Variants in KRT82 observed in about 807,000 individuals in gnomAD.
The protein encoded by KRT82 is keratin, type II cuticular Hb2.
In KRT82, 44 loss-of-function variants were observed where a neutral mutation model predicts 48.0. That is an observed-to-expected ratio of 0.92 (90% CI 0.72 to 1.18). The LOEUF (loss-of-function observed/expected upper bound fraction) is 1.18. KRT82 is among the 50% of genes most tolerant of loss of function. The pLI is 0.00. For synonymous variants in KRT82, 297 were observed against 278.3 expected (o/e 1.07, Z -0.67); for missense variants, 701 against 671.4 (o/e 1.04, Z -0.49).
chr12:52,401,462 G>T, intron 2 of KRT82, 113 bp from the exon 3 acceptor site: 1 of 987,954 alleles, frequency 1.0e-6, no homozygotes, highest in Non-Finnish European at 1.6e-6. Context: ...ATGCCCTGGG[G>T]AGTGCCCAGG....
chr12:52,402,030 C>A (rs1041642589), intron 2 of KRT82: 7 of 152,322 alleles, frequency 4.6e-5, no homozygotes, highest in Admixed American at 3.9e-4. Flanking sequence ...GGAGCCTAGC[C>A]CCCTGGGTTT....
rs1389155363 is a variant in KRT82, at chr12:52,395,764, T to C, written c.1316A>G (p.Asn439Ser). ...HRLCEGIGPV[N>S]ISVSSSKGAF... ...GGCATGGCTCATCTACTTACAGATA[T>C]TCACGGGCCCGATGCCTTCGCACAG... The change falls in exon 8 of 9, where the codon AAT (asparagine) becomes AGT (serine). Residue 439 changes from asparagine to serine, a missense_variant. Coordinates refer to ENST00000257974, the MANE Select transcript of KRT82 (RefSeq NM_033033.4). The C allele has an allele frequency of 6.4e-7, 1 of 1,555,476 alleles. No homozygotes were observed. Among genetic ancestry groups the C allele is most frequent in the Non-Finnish European group, 8.7e-7 (1 of 1,155,432 alleles).
At chr12:52,398,136 C>T (rs1939738679) in intron 5 of KRT82, among the ~76,000 whole-genome samples, 1 of 152,140 alleles carries the variant, frequency 6.6e-6, no homozygotes, top group Admixed American at 6.5e-5. Context: ...TTTAGGGTAA[C>T]AATGAGCCCA....
intron 1 of KRT82, among the ~76,000 whole-genome samples, chr12:52,405,285 G>T (rs1224448183): frequency 1.3e-5 from 2 of 152,244 alleles, no homozygotes; most frequent in Non-Finnish European, 2.9e-5. Context: ...TGCAGATTCA[G>T]TTCAGCACCT....
Position 52,396,351 on chromosome 12 carries a change from C to T in KRT82, c.1069-119G>A, listed in dbSNP as rs544541592. The T allele has an allele frequency of 1.8e-5, 16 of 913,930 alleles. No homozygotes were observed. In the South Asian group the frequency reaches 2.8e-4, roughly 16 times the overall value. The allele number at this position is 913,930 out of a possible 1,614,324, so 56.6% of individuals were successfully genotyped here. A position where few individuals can be genotyped will look rare whatever the true frequency, so the allele number is the denominator to read the frequency against. ...CCAGGCTCACATTTGCGAGCTTCATCCTAGGATTGCGACATCTGGTTCCTC... is the reference window on the plus strand; with the variant it reads ...CCAGGCTCACATTTGCGAGCTTCATTCTAGGATTGCGACATCTGGTTCCTC... On this transcript the variant is annotated intron_variant, in intron 6 of 8. Transcript: ENST00000257974.
Position 52,395,999 on chromosome 12 carries a change from T to C in KRT82, c.1289+13A>G, listed in dbSNP as rs752348164. 18 of 1,613,694 alleles carry C rather than the reference T, an allele frequency of 1.1e-5. No homozygotes were observed. The highest frequency in any genetic ancestry group is 1.7e-5 in the Admixed American group (1 of 59,996). On this transcript the variant is annotated intron_variant, in intron 7 of 8. Transcript: ENST00000257974. Reference sequence around the variant, plus strand: ...TGGTAGCCCATCTTTGACCCCCTCCTGGAGGAGCTCACCTGTGCTCTTCAC... The same window carrying C: ...TGGTAGCCCATCTTTGACCCCCTCCCGGAGGAGCTCACCTGTGCTCTTCAC...
Position 52,400,000 on chromosome 12 carries a change from G to A in KRT82, c.927C>T (p.Ala309=), listed in dbSNP as rs199777264. The A allele has an allele frequency of 3.8e-5, 62 of 1,614,070 alleles. No homozygotes were observed. The Middle Eastern group carries it at 1.3e-3, about 34-fold the overall frequency. Residue 309 remains alanine (A), a synonymous_variant, in exon 5 of 9, where the codon GCC becomes GCT. Coordinates refer to ENST00000257974, the MANE Select transcript of KRT82 (RefSeq NM_033033.4). The part of the protein sequence containing the change: ...IASRSKAEAE[A]WYQCRYEELR... ...AGGGCCTCACCCGGCACTGGTACCA[G>A]GCCTCTGCTTCGGCTTTGCTGCGGC...
At chr12:52,399,847 TG>T in intron 5 of KRT82, 137 bp downstream of exon 5, 2 of 871,516 alleles carry the variant, frequency 2.3e-6, no homozygotes, top group Non-Finnish European at 3.5e-6. Context: ...CTGGGCTTTA[TG>T]GGATTCCCTG....
At chr12:52,403,119 G>T (rs998746346) in intron 2 of KRT82, among the ~76,000 whole-genome samples, 4 of 152,356 alleles carry the variant, frequency 2.6e-5, no homozygotes, top group Middle Eastern at 3.4e-3. Context: ...CTCAGGGGGA[G>T]CAAGTGTGGC....
chr12:52,404,236 C>T (rs896839295), intron 1 of KRT82, among the ~76,000 whole-genome samples: 15 of 152,174 alleles, frequency 9.9e-5, no homozygotes, highest in Admixed American at 6.5e-4. Flanking sequence ...ACCAAGACAT[C>T]CTGTCCCTTC....
At chr12:52,395,725 T>C (rs1732264) in intron 8 of KRT82, 34 bp downstream of exon 8, 1,193,620 of 1,538,860 alleles carry the variant, frequency 0.78, 464,903 homozygotes, top group African/African-American at 0.93. Context: ...CCCCCAAGAC[T>C]CCAGAGCCAG....
intron 2 of KRT82, chr12:52,402,487 C>G (rs907543719): frequency 6.6e-6 from 1 of 152,334 alleles, no homozygotes; most frequent in African/African-American, 2.4e-5. Flanking sequence ...GGCCCTTCCT[C>G]TTTCTTGCCA....
chr12:52,400,045 C>A lies in KRT82; in HGVS notation c.882G>T (p.Ala294=), dbSNP rs147977204. ...DVDGIIAEIK[A]QYDDIASRSK... ...TGCGGCTGGCGATGTCGTCATACTG[C>A]GCCTTGATCTCAGCGATGATGCCGT... The change falls in exon 5 of 9, where the codon GCG becomes GCT. Residue 294 remains alanine (A), a synonymous_variant. Coordinates refer to ENST00000257974, the MANE Select transcript of KRT82 (RefSeq NM_033033.4). 3 of 1,614,088 alleles carry A rather than the reference C, an allele frequency of 1.9e-6. No homozygotes were observed. In the East Asian group the frequency reaches 6.7e-5, roughly 36 times the overall value.
rs1371516004 is a variant in KRT82 at position 52,396,173 on chromosome 12, A to C, written c.1128T>G (p.Asn376Lys). The C allele has an allele frequency of 3.7e-6, 6 of 1,614,160 alleles. No homozygotes were observed. Among genetic ancestry groups the C allele is most frequent in the Non-Finnish European group, 4.2e-6 (5 of 1,180,044 alleles). Residue 376 changes from asparagine to lysine, a missense_variant, in exon 7 of 9, where the codon AAT (asparagine) becomes AAG (lysine). Coordinates refer to ENST00000257974, the MANE Select transcript of KRT82 (RefSeq NM_033033.4). Reference sequence around the variant, plus strand: ...GCCCTGCCAGCTTGCACTTGGCATCATTGAGAGCCGCCTCGCCCTGCTGCT... The same window carrying C: ...GCCCTGCCAGCTTGCACTTGGCATCCTTGAGAGCCGCCTCGCCCTGCTGCT... The part of the protein sequence containing the change: ...EAEQQGEAAL[N>K]DAKCKLAGLE...
At chr12:52,398,115 C>T (rs980888823) in intron 5 of KRT82, among the ~76,000 whole-genome samples, 2 of 152,084 alleles carry the variant, frequency 1.3e-5, no homozygotes, top group Non-Finnish European at 2.9e-5. Flanking sequence ...CCAAATAGAA[C>T]ACTGCTTTTA....
chr12:52,403,709 G>A lies in KRT82; in HGVS notation c.612C>T (p.Tyr204=), dbSNP rs1297223911. Reference sequence around the variant, plus strand: ...AAGCAGCACTGACTCACTTTTTCTTGTAGCCCTCCAGTGCAGCCTGGAGGC... The same window carrying A: ...AAGCAGCACTGACTCACTTTTTCTTATAGCCCTCCAGTGCAGCCTGGAGGC... ...LCSLQAALEG[Y]KKKYEEELSL... Residue 204 remains tyrosine, a synonymous_variant, in exon 2 of 9, where the codon TAC becomes TAT. Coordinates refer to ENST00000257974, the MANE Select transcript of KRT82 (RefSeq NM_033033.4). 6.2e-7 allele frequency: 1 copy of A among 1,602,008 alleles called. No homozygotes were observed. The highest frequency in any genetic ancestry group is 2.2e-5 in the East Asian group (1 of 44,758).
chr12:52,396,692 C>T (rs1480533946), intron 6 of KRT82, among the ~76,000 whole-genome samples, 191 bp downstream of exon 6: 1 of 152,188 alleles, frequency 6.6e-6, no homozygotes, highest in Non-Finnish European at 1.5e-5. Flanking sequence ...CTGACTATTT[C>T]CTGTGGCTGC....
intron 4 of KRT82, 63 bp from the exon 5 acceptor site, chr12:52,400,212 G>C: frequency 6.6e-7 from 1 of 1,526,572 alleles, no homozygotes; most frequent in Non-Finnish European, 8.9e-7. Context: ...AGGAGAAGGG[G>C]AGAACCCGTT....
In KRT82 at chr12:52,397,013, C is replaced by G; in HGVS notation, c.943-5G>C. The stretch of plus-strand genomic sequence containing the variant: ...TGTGACTCTCAGCTCCTCATACTGC[C>G]AGGACAGAGAGGTCAGAGCCCCAGG... On this transcript the variant is annotated splice_region_variant and splice_polypyrimidine_tract_variant and intron_variant, in intron 5 of 8. Transcript: ENST00000257974. 3.7e-6 allele frequency: 6 copies of G among 1,613,558 alleles called. No individual in the cohort carries two copies. The highest frequency in any genetic ancestry group is 5.1e-6 in the Non-Finnish European group (6 of 1,179,992).
Sources: gnomAD v4.1 joint callset for allele counts (sites outside exome capture counted in the v4.1 genomes callset) on GRCh38, gnomAD v4.1.1 for gene constraint, MANE v1.5 for transcripts, NCBI Gene and HGNC (gene_info 2026-07-23, HGNC 2026-07-21) for gene names.